Variants in KLF12 observed in about 807,000 individuals in gnomAD.
The protein encoded by KLF12 is Krueppel-like factor 12.
A neutral mutation model predicts 37.8 loss-of-function variants in KLF12; 9 were observed. That is an observed-to-expected ratio of 0.24 (90% CI 0.14 to 0.42). The LOEUF is 0.42. Ranked by LOEUF, KLF12 falls within the 10% of genes least tolerant of loss-of-function variation. The pLI is 1.00. For synonymous variants in KLF12, 208 were observed against 202.1 expected, an observed-to-expected ratio of 1.03 and a Z score of -0.25; for missense variants, 411 against 516.0, an observed-to-expected ratio of 0.80 and a Z score of 1.97.
chr13:74,170,046 A>T, the KLF12 span, among the ~76,000 whole-genome samples: 1 of 152,164 alleles, frequency 6.6e-6, no homozygotes, highest in South Asian at 2.1e-4. Context: ...CTTCATCCTT[A>T]TACAGCACAT....
the KLF12 span, among the ~76,000 whole-genome samples, chr13:74,226,566 C>G: frequency 1.3e-5 from 2 of 152,090 alleles, no homozygotes; most frequent in Non-Finnish European, 2.9e-5. Flanking sequence ...ACAAATAGAT[C>G]ATTATAGAAG....
chr13:73,836,765 G>A (rs957970164), intron 4 of KLF12, among the ~76,000 whole-genome samples: 1 of 152,030 alleles, frequency 6.6e-6, no homozygotes, highest in African/African-American at 2.4e-5. Flanking sequence ...AACATTCAAT[G>A]TACTAAATAT....
At chr13:74,074,954 A>T (rs1874482002) in intron 1 of KLF12, among the ~76,000 whole-genome samples, 1 of 152,206 alleles carries the variant, frequency 6.6e-6, no homozygotes, top group African/African-American at 2.4e-5. Flanking sequence ...AAGAGGGCTC[A>T]GCTGTGATTC....
chr13:74,024,602 T>A (rs1892926117), intron 1 of KLF12, among the ~76,000 whole-genome samples: 1 of 152,168 alleles, frequency 6.6e-6, no homozygotes, highest in Non-Finnish European at 1.5e-5. Flanking sequence ...TAGGTACAAA[T>A]TAGTTAGGCC....
At chr13:73,908,375 C>G (rs1199874702) in intron 3 of KLF12, among the ~76,000 whole-genome samples, 1 of 141,386 alleles carries the variant, frequency 7.1e-6, no homozygotes, top group Non-Finnish European at 1.5e-5. Context: ...GCACTCCAGC[C>G]TGGGTGACAG....
chr13:73,730,359 C>A (rs572834653), intron 6 of KLF12, among the ~76,000 whole-genome samples: 1 of 152,194 alleles, frequency 6.6e-6, no homozygotes, highest in Non-Finnish European at 1.5e-5. Context: ...CTTTGCCCTC[C>A]AAAAACCTTG....
At chr13:74,130,862 C>G (rs1878224016) in intron 1 of KLF12, among the ~76,000 whole-genome samples, 1 of 152,166 alleles carries the variant, frequency 6.6e-6, no homozygotes, top group Admixed American at 6.5e-5. Flanking sequence ...TTGACTGCTT[C>G]TCTCACAATA....
chr13:73,773,742 C>T (rs1880414178), intron 5 of KLF12, among the ~76,000 whole-genome samples: 1 of 152,160 alleles, frequency 6.6e-6, no homozygotes, highest in Non-Finnish European at 1.5e-5. Flanking sequence ...CTCAACACGG[C>T]CCGAATGCCT....
At chr13:73,780,753 C>T (rs1414265120) in intron 5 of KLF12, among the ~76,000 whole-genome samples, 3 of 152,158 alleles carry the variant, frequency 2.0e-5, no homozygotes, top group African/African-American at 4.8e-5. Context: ...TGAGCCACCG[C>T]GCCCAGCCAG....
the KLF12 span, among the ~76,000 whole-genome samples, chr13:74,304,095 T>C: frequency 6.6e-6 from 1 of 152,124 alleles, no homozygotes; most frequent in Non-Finnish European, 1.5e-5. Flanking sequence ...CATCTCTAGC[T>C]GGATGCTGTG....
At chr13:74,076,709 A>T (rs1874584707) in intron 1 of KLF12, among the ~76,000 whole-genome samples, 1 of 152,126 alleles carries the variant, frequency 6.6e-6, no homozygotes, top group African/African-American at 2.4e-5. Flanking sequence ...AACTCATGTC[A>T]CGGGGGTTTG....
chr13:73,696,374 A>G (rs1427885463), intron 7 of KLF12, among the ~76,000 whole-genome samples: 1 of 152,194 alleles, frequency 6.6e-6, no homozygotes, highest in Non-Finnish European at 1.5e-5. Flanking sequence ...AAGCTGTCTG[A>G]AGAAGCATGT....
the KLF12 span, among the ~76,000 whole-genome samples, chr13:74,146,944 C>T: frequency 8.5e-5 from 13 of 152,200 alleles, no homozygotes; most frequent in African/African-American, 2.7e-4. Context: ...ATACCCGATA[C>T]TGGTGGAGAT....
chr13:74,298,467 G>A, the KLF12 span, among the ~76,000 whole-genome samples: 10 of 152,160 alleles, frequency 6.6e-5, no homozygotes, highest in South Asian at 2.1e-4. Flanking sequence ...TGTGGCTAGC[G>A]GTTTCTGTAT....
the KLF12 span, among the ~76,000 whole-genome samples, chr13:74,224,287 C>T: frequency 6.6e-6 from 1 of 152,280 alleles, no homozygotes; most frequent in Middle Eastern, 3.4e-3. Flanking sequence ...TGACTGCAGG[C>T]CCTGGGCTAC....
chr13:74,203,525 T>C, the KLF12 span, among the ~76,000 whole-genome samples: 3 of 152,114 alleles, frequency 2.0e-5, no homozygotes, highest in Non-Finnish European at 4.4e-5. Flanking sequence ...ATCTGGCTAC[T>C]AGGATAAGGC....
the KLF12 span, among the ~76,000 whole-genome samples, chr13:74,144,196 C>T: frequency 2.0e-5 from 3 of 152,254 alleles, no homozygotes; most frequent in African/African-American, 4.8e-5. Context: ...CAATGAGGAA[C>T]GTGAGGCATC....
chr13:74,014,476 C>G (rs1892637665), intron 1 of KLF12, among the ~76,000 whole-genome samples: 1 of 152,116 alleles, frequency 6.6e-6, no homozygotes, highest in Non-Finnish European at 1.5e-5. Context: ...TATCACTACT[C>G]AAATATTGAA....
chr13:73,860,656 A>T (rs558969717), intron 3 of KLF12, among the ~76,000 whole-genome samples: 1 of 152,304 alleles, frequency 6.6e-6, no homozygotes, highest in African/African-American at 2.4e-5. Flanking sequence ...AGGAAGAAGG[A>T]TCACTTGAGC....
Sources: gnomAD v4.1 joint callset for allele counts (sites outside exome capture counted in the v4.1 genomes callset) on GRCh38, gnomAD v4.1.1 for gene constraint, MANE v1.5 for transcripts, NCBI Gene and HGNC (gene_info 2026-07-23, HGNC 2026-07-21) for gene names.